Variants in PDE1C observed in about 807,000 individuals in gnomAD.
PDE1C encodes phosphodiesterase 1C, also known as dual specificity calcium/calmodulin-dependent 3',5'-cyclic nucleotide phosphodiesterase 1C.
PDE1C carries 62 observed loss-of-function variants against 93.1 expected under a neutral mutation model. The ratio of observed to expected loss-of-function variants is 0.67; its 90% CI spans 0.54 to 0.82. The LOEUF (loss-of-function observed/expected upper bound fraction) is 0.82, where lower values mean the gene tolerates loss of function less well. Among genes scored for constraint, PDE1C ranks in the 40% least tolerant of loss-of-function variants. PDE1C has a pLI of 0.00. For synonymous variants in PDE1C, 325 were observed against 310.1 expected (o/e 1.05, Z -0.50); for missense variants, 742 against 884.6 (o/e 0.84, Z 2.04).
chr7:31,997,233 C>A (rs947629949), intron 2 of PDE1C, among the ~76,000 whole-genome samples: 4 of 152,162 alleles, frequency 2.6e-5, no homozygotes, highest in African/African-American at 9.7e-5. Flanking sequence ...GCACCTCAAG[C>A]TTTTAATTTC....
At chr7:32,202,154 A>G (rs941089813) in intron 2 of PDE1C, among the ~76,000 whole-genome samples, 4 of 152,186 alleles carry the variant, frequency 2.6e-5, no homozygotes, top group African/African-American at 9.7e-5. Flanking sequence ...TCTGGGTTAC[A>G]TGTATCATCC....
intron 1 of PDE1C, among the ~76,000 whole-genome samples, chr7:32,244,070 T>C (rs1808736109): frequency 6.6e-6 from 1 of 152,080 alleles, no homozygotes; most frequent in Non-Finnish European, 1.5e-5. Context: ...TGACACATGA[T>C]GGAATTGTAG....
At chr7:32,211,927 G>T (rs1806062582) in intron 1 of PDE1C, among the ~76,000 whole-genome samples, 1 of 150,412 alleles carries the variant, frequency 6.6e-6, no homozygotes, top group African/African-American at 2.5e-5. Flanking sequence ...TCGGGAAGCT[G>T]CAGCAGAAGG....
At chr7:32,091,780 G>A (rs1429856084) in intron 3 of PDE1C, among the ~76,000 whole-genome samples, 1 of 152,200 alleles carries the variant, frequency 6.6e-6, no homozygotes, top group African/African-American at 2.4e-5. Flanking sequence ...GCAAGACTTG[G>A]AGCAGAGCAG....
chr7:32,111,660 C>T (rs1798647951), intron 3 of PDE1C, among the ~76,000 whole-genome samples: 1 of 152,074 alleles, frequency 6.6e-6, no homozygotes. Flanking sequence ...CAGACAGCAG[C>T]TAGAACTAAG....
chr7:31,662,293 T>G, the PDE1C span, among the ~76,000 whole-genome samples: 2 of 152,342 alleles, frequency 1.3e-5, no homozygotes, highest in African/African-American at 4.8e-5. Context: ...TCTAAAGTGA[T>G]GAGGTTACTC....
At chr7:32,125,179 C>G (rs140960736) in intron 3 of PDE1C, among the ~76,000 whole-genome samples, 1 of 152,230 alleles carries the variant, frequency 6.6e-6, no homozygotes, top group South Asian at 2.1e-4. Context: ...TACCATCTCA[C>G]GCCAGTCAGA....
chr7:32,249,071 A>G lies in PDE1C; in HGVS notation c.86-39532T>C, dbSNP rs535155583. 3.9e-4 allele frequency among the ~76,000 whole-genome samples: 59 copies of G among 152,196 alleles called. 2 individuals are homozygous for G. The South Asian group carries it at 0.012, about 30-fold the overall frequency. The stretch of plus-strand genomic sequence containing the variant: ...TCCAGGACCACTATAAAGATGTTCA[A>G]TGGTCAAAGGTATCAGGAAGGAGTG... On this transcript the variant is annotated intron_variant, in intron 1 of 18. Transcript: ENST00000396193.
chr7:31,840,906 A>G (rs951749895), intron 9 of PDE1C, among the ~76,000 whole-genome samples: 2 of 152,126 alleles, frequency 1.3e-5, no homozygotes, highest in African/African-American at 4.8e-5. Context: ...TATAAAGTTT[A>G]TAATAATCAT....
intron 15 of PDE1C, among the ~76,000 whole-genome samples, chr7:31,809,807 T>G (rs78749073): frequency 0.019 from 2,933 of 152,140 alleles, 53 homozygotes; most frequent in Non-Finnish European, 0.031. Context: ...GGGGTTATCT[T>G]CTCTCTCAGT....
intron 1 of PDE1C, among the ~76,000 whole-genome samples, chr7:32,353,746 C>T (rs907042796): frequency 6.6e-6 from 1 of 151,372 alleles, no homozygotes; most frequent in Non-Finnish European, 1.5e-5. Context: ...GGAACTGGAG[C>T]TTGGAGGAGT....
intron 3 of PDE1C, among the ~76,000 whole-genome samples, chr7:32,100,604 A>C (rs1371649265): frequency 6.6e-6 from 1 of 152,138 alleles, no homozygotes; most frequent in Admixed American, 6.5e-5. Context: ...ACTTAGACTG[A>C]CTCATTCATA....
intron 3 of PDE1C, among the ~76,000 whole-genome samples, chr7:32,118,784 C>G (rs1032040650): frequency 6.6e-6 from 1 of 152,206 alleles, no homozygotes; most frequent in Non-Finnish European, 1.5e-5. Context: ...AAAGGTCCTA[C>G]TTCTTAATAC....
chr7:31,714,512 C>G, the PDE1C span, among the ~76,000 whole-genome samples: 1 of 152,200 alleles, frequency 6.6e-6, no homozygotes, highest in Non-Finnish European at 1.5e-5. Context: ...TTTCGGGTGT[C>G]TTTTCGGCAG....
chr7:32,417,960 A>G (rs215749), intron 1 of PDE1C, among the ~76,000 whole-genome samples: 43,078 of 152,004 alleles, frequency 0.28, 6,491 homozygotes, highest in East Asian at 0.54. Context: ...GTACTTCTGG[A>G]AACTTGTGTT....
chr7:31,794,033 TAGATAGATAGACAGACAGAC>T (rs1378448664), intron 16 of PDE1C, among the ~76,000 whole-genome samples: 19 of 105,412 alleles, frequency 1.8e-4, no homozygotes, highest in Middle Eastern at 4.7e-3. Flanking sequence ...GATAGATAGA[TAGATAGATAGACAGACAGAC>T]AGACAGACAG....
At chr7:32,419,826 C>A (rs1785355577) in intron 1 of PDE1C, among the ~76,000 whole-genome samples, 1 of 151,772 alleles carries the variant, frequency 6.6e-6, no homozygotes, top group South Asian at 2.1e-4. Context: ...GTAAGATGCA[C>A]ACACAGAGGC....
chr7:32,022,522 A>G (rs1400495202), intron 2 of PDE1C, among the ~76,000 whole-genome samples: 1 of 151,990 alleles, frequency 6.6e-6, no homozygotes, highest in Non-Finnish European at 1.5e-5. Context: ...GGTGATGGGG[A>G]ATGAAGTGGT....
At chr7:32,038,615 T>G (rs1791421017) in intron 2 of PDE1C, among the ~76,000 whole-genome samples, 1 of 152,148 alleles carries the variant, frequency 6.6e-6, no homozygotes, top group Non-Finnish European at 1.5e-5. Context: ...AATTTACATC[T>G]CTCAGACCCC....
Sources: allele counts gnomAD v4.1 joint callset (sites outside exome capture counted in the v4.1 genomes callset), GRCh38; gene constraint gnomAD v4.1.1; transcripts MANE v1.5; gene names NCBI Gene and HGNC (gene_info 2026-07-23, HGNC 2026-07-21).